Variants in ZMYM4 observed in about 807,000 individuals in gnomAD.
ZMYM4 encodes zinc finger MYM-type containing 4, also known as zinc finger MYM-type protein 4.
In ZMYM4, 31 loss-of-function variants were observed where a neutral mutation model predicts 183.2. The observed-to-expected ratio is 0.17, with a 90% CI of 0.13 to 0.23. ZMYM4 has a LOEUF of 0.23. Ranked by LOEUF, ZMYM4 falls within the 10% of genes least tolerant of loss-of-function variation. The pLI is 1.00. For missense variants in ZMYM4, 1,273 were observed against 1,840.3 expected (o/e 0.69, Z 5.64); for synonymous variants, 592 against 631.2 (o/e 0.94, Z 0.93).
intron 1 of ZMYM4, among the ~76,000 whole-genome samples, chr1:35,302,558 T>C (rs1412760124): frequency 2.6e-5 from 4 of 151,804 alleles, no homozygotes; most frequent in Non-Finnish European, 5.9e-5. Flanking sequence ...ACTAATTTTT[T>C]GTATTTTTAG....
At chr1:35,319,439 T>G (rs1381297315) in intron 1 of ZMYM4, among the ~76,000 whole-genome samples, 2 of 151,862 alleles carry the variant, frequency 1.3e-5, no homozygotes, top group East Asian at 3.9e-4. Context: ...CTGGGCAATA[T>G]AGCAATACCC....
At chr1:35,373,406 G>A (rs116635985) in intron 7 of ZMYM4, among the ~76,000 whole-genome samples, 1,721 of 141,472 alleles carry the variant, frequency 0.012, 43 homozygotes, top group African/African-American at 0.043. Flanking sequence ...ACCGAGTCTC[G>A]CCGCTCTGTC....
At chr1:35,300,658 G>T (rs1024327942) in intron 1 of ZMYM4, among the ~76,000 whole-genome samples, 2 of 151,838 alleles carry the variant, frequency 1.3e-5, no homozygotes, top group Admixed American at 6.6e-5. Flanking sequence ...CCAATCTTCC[G>T]CAGTGTATAA....
chr1:35,313,245 G>C (rs1487151744), intron 1 of ZMYM4, among the ~76,000 whole-genome samples: 3 of 152,106 alleles, frequency 2.0e-5, no homozygotes, highest in Admixed American at 6.5e-5. Flanking sequence ...ATGTTGGCCA[G>C]GCAGGTCTCA....
At chr1:35,291,954 A>G (rs1477522342) in intron 1 of ZMYM4, among the ~76,000 whole-genome samples, 1 of 152,020 alleles carries the variant, frequency 6.6e-6, no homozygotes, top group Non-Finnish European at 1.5e-5. Flanking sequence ...ACTATTTAGC[A>G]GGCCCTTTTT....
intron 1 of ZMYM4, among the ~76,000 whole-genome samples, chr1:35,299,755 T>C (rs1641188239): frequency 6.6e-6 from 1 of 152,132 alleles, no homozygotes; most frequent in African/African-American, 2.4e-5. Context: ...ATCTGATTGG[T>C]TGCAGAAAGC....
At chr1:35,368,775 C>T (rs1476900802) in intron 5 of ZMYM4, among the ~76,000 whole-genome samples, 1 of 151,762 alleles carries the variant, frequency 6.6e-6, no homozygotes, top group Non-Finnish European at 1.5e-5. Flanking sequence ...ACTGAATATG[C>T]GGAAACATTA....
At chr1:35,315,287 T>C (rs949812022) in intron 1 of ZMYM4, among the ~76,000 whole-genome samples, 1 of 152,210 alleles carries the variant, frequency 6.6e-6, no homozygotes, top group African/African-American at 2.4e-5. Context: ...TAAGTTTTTT[T>C]CTGAACTTGA....
chr1:35,319,147 TG>T (rs1421694212), intron 1 of ZMYM4, among the ~76,000 whole-genome samples: 1 of 152,218 alleles, frequency 6.6e-6, no homozygotes, highest in African/African-American at 2.4e-5. Flanking sequence ...CCCAAAATGC[TG>T]GGATTACAGG....
chr1:35,320,861 CT>C (rs781090588), intron 1 of ZMYM4, among the ~76,000 whole-genome samples: 58 of 152,108 alleles, frequency 3.8e-4, no homozygotes, highest in Non-Finnish European at 6.8e-4. Flanking sequence ...TCAGGGTGCA[CT>C]TTTGCCTGCC....
At chr1:35,279,020 T>G (rs1640013381) in intron 1 of ZMYM4, among the ~76,000 whole-genome samples, 1 of 152,164 alleles carries the variant, frequency 6.6e-6, no homozygotes, top group Non-Finnish European at 1.5e-5. Context: ...CAAATTTCTC[T>G]AGGTTTCAGG....
At chr1:35,390,909 G>A (rs185816741) in intron 15 of ZMYM4, among the ~76,000 whole-genome samples, 39 of 152,306 alleles carry the variant, frequency 2.6e-4, no homozygotes, top group African/African-American at 9.4e-4. Flanking sequence ...GTTCATGCCT[G>A]TAATCCCACC....
intron 9 of ZMYM4, among the ~76,000 whole-genome samples, chr1:35,384,827 A>AT (rs1448479593): frequency 1.5e-5 from 2 of 136,794 alleles, no homozygotes; most frequent in South Asian, 4.5e-4. Flanking sequence ...CAGCATTATT[A>AT]TTTTTTTCTT....
intron 3 of ZMYM4, among the ~76,000 whole-genome samples, 192 bp downstream of exon 3, chr1:35,359,638 T>C (rs1643895034): frequency 2.0e-5 from 3 of 152,056 alleles, no homozygotes; most frequent in Admixed American, 2.0e-4. Flanking sequence ...ATGGTATAAA[T>C]GGTTGAAAAT....
intron 2 of ZMYM4, chr1:35,350,696 GCAGA>G: frequency 2.8e-6 from 1 of 358,398 alleles, no homozygotes; most frequent in Middle Eastern, 9.9e-4. Flanking sequence ...CTGTCCAGCT[GCAGA>G]CAAAGATCTC....
chr1:35,297,236 C>T (rs1012932141), intron 1 of ZMYM4, among the ~76,000 whole-genome samples: 1 of 152,044 alleles, frequency 6.6e-6, no homozygotes, highest in Non-Finnish European at 1.5e-5. Context: ...CTTGGCGAGA[C>T]TGAATTCAAC....
At chr1:35,410,608 C>T (rs1639847896) in intron 26 of ZMYM4, among the ~76,000 whole-genome samples, 1 of 151,696 alleles carries the variant, frequency 6.6e-6, no homozygotes, top group African/African-American at 2.4e-5. Flanking sequence ...CCTGCGTCAG[C>T]CTCCCGAGTA....
chr1:35,357,057 C>CA (rs1285557656), intron 2 of ZMYM4, among the ~76,000 whole-genome samples: 1 of 152,078 alleles, frequency 6.6e-6, no homozygotes, highest in Non-Finnish European at 1.5e-5. Context: ...CTGATTAAAA[C>CA]AAAATTTTTT....
chr1:35,357,811 C>T (rs1213799876), intron 2 of ZMYM4, among the ~76,000 whole-genome samples: 1 of 152,078 alleles, frequency 6.6e-6, no homozygotes, highest in Non-Finnish European at 1.5e-5. Flanking sequence ...AGCTTAAGTG[C>T]TTAGGAAGTC....
Sources: gnomAD v4.1 joint callset for allele counts (sites outside exome capture counted in the v4.1 genomes callset) on GRCh38, gnomAD v4.1.1 for gene constraint, MANE v1.5 for transcripts, NCBI Gene and HGNC (gene_info 2026-07-23, HGNC 2026-07-21) for gene names.